PACS2: variants seen among roughly 807,000 people sequenced by gnomAD.
PACS2 encodes the protein phosphofurin acidic cluster sorting protein 2.
Under a neutral mutation model 113.0 loss-of-function variants are expected in PACS2, and 36 were observed. The observed-to-expected ratio is 0.32, with a 90% CI of 0.24 to 0.42. PACS2 has a LOEUF of 0.42. PACS2 is among the 10% of genes least tolerant of loss of function. PACS2 has a pLI of 1.00. For synonymous variants in PACS2, 589 were observed against 536.1 expected (o/e 1.10, Z -1.36); for missense variants, 1,015 against 1,239.5 (o/e 0.82, Z 2.72).
Position 105,382,070 on chromosome 14 carries a change from G to A in PACS2, c.1413+12G>A. 6.5e-7 allele frequency: 1 copy of A among 1,545,262 alleles called. No homozygotes were observed. Among genetic ancestry groups the A allele is most frequent in the Non-Finnish European group, 8.7e-7 (1 of 1,145,276 alleles). On this transcript the variant is annotated intron_variant, in intron 13 of 24. Coordinates refer to ENST00000447393, the MANE Select transcript of PACS2 (RefSeq NM_001100913.3). ...AGGTGCAGCTGCAGGTGGGGGTGGA[G>A]GGCGTGGCACGCCCAGGAGGCAGGG...
chr14:105,331,027 C>G (rs1428931193), intron 1 of PACS2, among the ~76,000 whole-genome samples: 6 of 151,908 alleles, frequency 3.9e-5, no homozygotes, highest in Admixed American at 3.3e-4. Context: ...ACAATCTCGG[C>G]TCACTGCAAC....
In PACS2 at chr14:105,356,590, G is replaced by A. The variant is rs587668032; in HGVS notation, c.423+1413G>A. Among the ~76,000 whole-genome samples the A allele has an allele frequency of 3.4e-4, 52 of 152,292 alleles. No homozygotes were observed. Among genetic ancestry groups the A allele is most frequent in the African/African-American group, 9.1e-4 (38 of 41,550 alleles). ...CTGTGAGAGCCTCCTGGGAGCCACCGCTTGCTTCCTGTGGAGCAGGAGGGT... is the reference window on the plus strand; with the variant it reads ...CTGTGAGAGCCTCCTGGGAGCCACCACTTGCTTCCTGTGGAGCAGGAGGGT... On this transcript the variant is annotated intron_variant, in intron 4 of 24. Coordinates refer to ENST00000447393, the MANE Select transcript of PACS2 (RefSeq NM_001100913.3). This position sits in a 1 kb window ranked among gnomAD's most constrained non-coding sequence, Gnocchi z 4.0.
chr14:105,332,705 T>C (rs2059350867), intron 1 of PACS2, among the ~76,000 whole-genome samples: 1 of 152,196 alleles, frequency 6.6e-6, no homozygotes. Flanking sequence ...GTCCAAGACC[T>C]GGAGCCCAGG....
chr14:105,376,053 A>G lies in PACS2; in HGVS notation c.802-715A>G, dbSNP rs1555410343. 6.6e-6 allele frequency among the ~76,000 whole-genome samples: 1 copy of G among 152,166 alleles called. No individual in the cohort carries two copies. The highest frequency in any genetic ancestry group is 2.4e-5 in the African/African-American group (1 of 41,432). On this transcript the variant is annotated intron_variant, in intron 8 of 24. Coordinates refer to ENST00000447393, the MANE Select transcript of PACS2 (RefSeq NM_001100913.3). This position sits in a 1 kb window ranked among gnomAD's most constrained non-coding sequence, Gnocchi z 4.7. ...GCAGCAGGTCGGAGTGGGTGCCTGCAGGGGAAATACAAGATGCTTATAAAA... is the reference window on the plus strand; with the variant it reads ...GCAGCAGGTCGGAGTGGGTGCCTGCGGGGGAAATACAAGATGCTTATAAAA...
rs112240064 is a variant in PACS2, at chr14:105,370,133, G to A, written c.801+233G>A. On this transcript the variant is annotated intron_variant, in intron 8 of 24. Transcript: ENST00000447393. Reference sequence around the variant, plus strand: ...AGAAGTCGTGAATACCCTGGAAGTCGGAAAGTCATTTTCAGGGGGATGTAA... The same window carrying A: ...AGAAGTCGTGAATACCCTGGAAGTCAGAAAGTCATTTTCAGGGGGATGTAA... 3,337 of 458,134 alleles carry A rather than the reference G, an allele frequency of 7.3e-3. 76 individuals carry two copies. The highest frequency in any genetic ancestry group is 0.055 in the African/African-American group (2,701 of 49,024). 28.4% of individuals were successfully genotyped at this position (458,134 alleles called of 1,614,324 possible). A position where few individuals can be genotyped will look rare whatever the true frequency, so the allele number is the denominator to read the frequency against.
Position 105,366,526 on chromosome 14 carries a change from T to C in PACS2, c.424-687T>C, listed in dbSNP as rs9671295. On this transcript the variant is annotated intron_variant, in intron 4 of 24. Coordinates refer to ENST00000447393, the MANE Select transcript of PACS2 (RefSeq NM_001100913.3). This position sits in a 1 kb window ranked among gnomAD's most constrained non-coding sequence, Gnocchi z 4.3. ...GGGGCACGGCGGGGCTGTGCCTGGG[T>C]ACAGGTCGTGGCTGCAGGAGGGGCC... is the stretch of plus-strand genomic sequence containing the variant. 0.1 allele frequency among the ~76,000 whole-genome samples: 15,911 copies of C among 152,098 alleles called. 2,823 individuals are homozygous for C. Among genetic ancestry groups the C allele is most frequent in the African/African-American group, 0.36 (15,097 of 41,470 alleles).
chr14:105,306,677 T>C (rs2058197963), intron 1 of PACS2, among the ~76,000 whole-genome samples: 1 of 151,292 alleles, frequency 6.6e-6, no homozygotes, highest in Non-Finnish European at 1.5e-5. Flanking sequence ...ACGATCTTGA[T>C]GTACCGCAAT....
intron 9 of PACS2, among the ~76,000 whole-genome samples, chr14:105,377,140 C>A (rs1249633475): frequency 6.6e-6 from 1 of 152,176 alleles, no homozygotes; most frequent in Non-Finnish European, 1.5e-5. Flanking sequence ...GCTTTCCTTT[C>A]ATAGGCCAGG....
At chr14:105,390,386 C>G (rs2081316682) in intron 20 of PACS2, 2 of 298,470 alleles carry the variant, frequency 6.7e-6, no homozygotes, top group East Asian at 7.3e-5. Context: ...CCAGTGCTCA[C>G]TTGGGCTGCA....
At chr14:105,344,500 G>A (rs1209009336) in intron 1 of PACS2, among the ~76,000 whole-genome samples, 2 of 152,104 alleles carry the variant, frequency 1.3e-5, no homozygotes, top group African/African-American at 4.8e-5. Context: ...TTAGTAGTTT[G>A]TGGCTTTCTA....
intron 1 of PACS2, among the ~76,000 whole-genome samples, chr14:105,334,023 A>G (rs1236606651): frequency 6.6e-6 from 1 of 152,162 alleles, no homozygotes; most frequent in Admixed American, 6.5e-5. Flanking sequence ...CTGGGGCCAT[A>G]TGGAGTGTCC....
intron 8 of PACS2, chr14:105,371,879 G>T (rs2061169936): frequency 6.6e-6 from 1 of 152,230 alleles, no homozygotes; most frequent in Admixed American, 6.5e-5. Flanking sequence ...TGTCTTGAGG[G>T]CCCGTTTCCC....
chr14:105,360,710 G>C (rs1456335284), intron 4 of PACS2, among the ~76,000 whole-genome samples: 3 of 152,164 alleles, frequency 2.0e-5, no homozygotes, highest in African/African-American at 4.8e-5. Flanking sequence ...AAACAAGAAA[G>C]AAGTTTCCTG....
intron 7 of PACS2, among the ~76,000 whole-genome samples, chr14:105,369,291 T>C (rs979650581): frequency 2.6e-5 from 4 of 152,216 alleles, no homozygotes; most frequent in African/African-American, 9.6e-5. Context: ...TGAGCCTCCA[T>C]TCCAGGGCCC....
chr14:105,342,765 C>G (rs1199432808), intron 1 of PACS2, among the ~76,000 whole-genome samples: 4 of 151,604 alleles, frequency 2.6e-5, no homozygotes, highest in African/African-American at 7.3e-5. Flanking sequence ...GAAACCCCAT[C>G]TCTAGTAAAA....
At position 105,356,354 on chromosome 14, in the gene PACS2, G is replaced by A. The variant is rs1318941625; in HGVS notation, c.423+1177G>A. ...AGCAGCAGTGGCGTCCCGAGGCCTC[G>A]CTTCTCCGTGCCGCCGCAGGGCCTC... On this transcript the variant is annotated intron_variant, in intron 4 of 24. Coordinates refer to ENST00000447393, the MANE Select transcript of PACS2 (RefSeq NM_001100913.3). This position sits in a 1 kb window ranked among gnomAD's most constrained non-coding sequence, Gnocchi z 4.0. 6.6e-6 allele frequency among the ~76,000 whole-genome samples: 1 copy of A among 152,192 alleles called. No individual in the cohort carries two copies. The highest frequency in any genetic ancestry group is 1.5e-5 in the Non-Finnish European group (1 of 68,022).
At chr14:105,394,531 G>A (rs373855448) in intron 24 of PACS2, 23 bp from the exon 25 acceptor site, 74 of 1,608,066 alleles carry the variant, frequency 4.6e-5, no homozygotes, top group Non-Finnish European at 5.0e-5. Flanking sequence ...GGGGGCAGGC[G>A]GTCAGGCAGC....
chr14:105,373,750 T>C (rs976816434), intron 8 of PACS2, among the ~76,000 whole-genome samples: 1 of 151,706 alleles, frequency 6.6e-6, no homozygotes, highest in Non-Finnish European at 1.5e-5. Flanking sequence ...ATCATGCCAT[T>C]GCACTCCACC....
At chr14:105,371,984 A>C (rs752491497) in intron 8 of PACS2, 1 of 152,224 alleles carries the variant, frequency 6.6e-6, no homozygotes, top group Non-Finnish European at 1.5e-5. Context: ...CAGCGGGCAG[A>C]GCTCTCGGGC....
Sources: gnomAD v4.1 joint callset for allele counts (sites outside exome capture counted in the v4.1 genomes callset) on GRCh38, gnomAD v4.1.1 for gene constraint, Gnocchi (gnomAD v3.1) non-coding constraint, MANE v1.5 for transcripts, NCBI Gene and HGNC (gene_info 2026-07-23, HGNC 2026-07-21) for gene names.